PHF24: variants seen among roughly 807,000 people sequenced by gnomAD.
The protein encoded by PHF24 is Galpha inhibitory interacting protein.
PHF24 carries 25 observed loss-of-function variants against 42.6 expected under a neutral mutation model. The ratio of observed to expected loss-of-function variants is 0.59; its 90% CI spans 0.43 to 0.82. The LOEUF (loss-of-function observed/expected upper bound fraction) is 0.82. Among genes scored for constraint, PHF24 ranks in the 40% least tolerant of loss-of-function variants. The pLI is 0.00. For synonymous variants in PHF24, 185 were observed against 204.8 expected, an observed-to-expected ratio of 0.90 and a Z score of 0.83; for missense variants, 470 against 538.1, an observed-to-expected ratio of 0.87 and a Z score of 1.25.
chr9:34,837,028 AG>A, the PHF24 span: 1 of 470,374 alleles, frequency 2.1e-6, no homozygotes, highest in African/African-American at 2.0e-5. Flanking sequence ...ACCACAGGCC[AG>A]GCTGGTGTTT....
chr9:34,895,377 G>A, the PHF24 span, among the ~76,000 whole-genome samples: 1 of 152,200 alleles, frequency 6.6e-6, no homozygotes, highest in East Asian at 1.9e-4. Context: ...AAGGATGGAT[G>A]GGTCCAGAAG....
intron 1 of PHF24, among the ~76,000 whole-genome samples, chr9:34,962,954 C>G (rs1278842176): frequency 2.0e-5 from 3 of 152,198 alleles, no homozygotes; most frequent in African/African-American, 7.2e-5. Context: ...TCTGTCTAGC[C>G]TTTCTGTTCC....
chr9:34,826,214 G>A, the PHF24 span, among the ~76,000 whole-genome samples: 1 of 152,176 alleles, frequency 6.6e-6, no homozygotes, highest in Non-Finnish European at 1.5e-5. Flanking sequence ...ACCTCTGTAA[G>A]CCTGGTCAGC....
At chr9:34,743,374 G>C in the PHF24 span, among the ~76,000 whole-genome samples, 1 of 152,202 alleles carries the variant, frequency 6.6e-6, no homozygotes, top group African/African-American at 2.4e-5. Flanking sequence ...AGCACAGAAA[G>C]GGTTAACCCC....
At chr9:34,981,789 C>G (rs1827401866) in exon 8 of PHF24, 1 of 146,804 alleles carries the variant, frequency 6.8e-6, no homozygotes, top group Non-Finnish European at 1.5e-5. Flanking sequence ...TGAAAAAATG[C>G]TACTTTCTCC....
chr9:34,740,259 G>A, the PHF24 span, among the ~76,000 whole-genome samples: 1 of 152,214 alleles, frequency 6.6e-6, no homozygotes, highest in African/African-American at 2.4e-5. Context: ...TTGGGTGGTC[G>A]ATGGGACTGG....
the PHF24 span, among the ~76,000 whole-genome samples, chr9:34,848,665 C>CT: frequency 6.6e-6 from 1 of 151,278 alleles, no homozygotes; most frequent in Non-Finnish European, 1.5e-5. Context: ...TTTGCTCTTG[C>CT]TTTTCTAGTT....
chr9:34,886,689 T>C, the PHF24 span, among the ~76,000 whole-genome samples: 3 of 152,110 alleles, frequency 2.0e-5, no homozygotes, highest in African/African-American at 7.2e-5. Flanking sequence ...TAGATCTCTT[T>C]CATTTACACT....
chr9:34,966,583 C>CG (rs145629079), intron 1 of PHF24, among the ~76,000 whole-genome samples: 1 of 151,716 alleles, frequency 6.6e-6, no homozygotes. Flanking sequence ...TGGCGAGACC[C>CG]CCCCCCTCGC....
chr9:34,741,666 A>G, the PHF24 span, among the ~76,000 whole-genome samples: 1 of 152,230 alleles, frequency 6.6e-6, no homozygotes, highest in Non-Finnish European at 1.5e-5. Context: ...CTGGCCTGGT[A>G]GTATTTCTCT....
chr9:34,922,658 G>A, the PHF24 span: 5 of 1,160,966 alleles, frequency 4.3e-6, no homozygotes, highest in South Asian at 4.9e-5. Context: ...TCTTAGCTAG[G>A]TCTCAGTTTT....
the PHF24 span, among the ~76,000 whole-genome samples, chr9:34,828,911 TTATCTATATCTA>T: frequency 7.0e-6 from 1 of 143,360 alleles, no homozygotes; most frequent in African/African-American, 2.6e-5. Context: ...TTGCATGGTT[TTATCTATATCTA>T]TATCTATATC....
the PHF24 span, among the ~76,000 whole-genome samples, chr9:34,854,716 T>C: frequency 2.0e-5 from 3 of 152,178 alleles, no homozygotes; most frequent in African/African-American, 7.2e-5. Context: ...AATTTTAGAG[T>C]AGGTGCCATG....
At chr9:34,830,436 G>A in the PHF24 span, among the ~76,000 whole-genome samples, 1 of 152,172 alleles carries the variant, frequency 6.6e-6, no homozygotes, top group African/African-American at 2.4e-5. Context: ...GAGCTATGCT[G>A]TTCTGCCATG....
At chr9:34,788,961 A>C in the PHF24 span, among the ~76,000 whole-genome samples, 1 of 152,146 alleles carries the variant, frequency 6.6e-6, no homozygotes, top group Admixed American at 6.5e-5. Flanking sequence ...TAAGATATAC[A>C]CTGGTGCATT....
chr9:34,802,599 G>A, the PHF24 span, among the ~76,000 whole-genome samples: 2 of 152,138 alleles, frequency 1.3e-5, no homozygotes, highest in Admixed American at 6.5e-5. Context: ...TTATAAATCT[G>A]CAACCCCTTA....
At chr9:34,757,834 C>T in the PHF24 span, among the ~76,000 whole-genome samples, 1 of 151,914 alleles carries the variant, frequency 6.6e-6, no homozygotes, top group Non-Finnish European at 1.5e-5. Flanking sequence ...CATATATATG[C>T]ACATGGTGTG....
the PHF24 span, among the ~76,000 whole-genome samples, chr9:34,689,232 CA>C: frequency 6.6e-6 from 1 of 152,250 alleles, no homozygotes; most frequent in Non-Finnish European, 1.5e-5. This position sits in a 1 kb window ranked among gnomAD's most constrained non-coding sequence, Gnocchi z 4.1. Flanking sequence ...GATGCTTGAA[CA>C]CCTGCCTTGG....
chr9:34,889,660 T>A, the PHF24 span: 1 of 398,398 alleles, frequency 2.5e-6, no homozygotes, highest in Non-Finnish European at 4.4e-6. Flanking sequence ...CTCTTGTGAG[T>A]ATGGACTGCC....
Sources: allele counts gnomAD v4.1 joint callset (sites outside exome capture counted in the v4.1 genomes callset), GRCh38; gene constraint gnomAD v4.1.1; non-coding constraint Gnocchi (gnomAD v3.1); transcripts MANE v1.5; gene names NCBI Gene and HGNC (gene_info 2026-07-23, HGNC 2026-07-21).